The following PHAX variants were observed in gnomAD, a reference collection of about 807,000 sequenced individuals.
PHAX encodes phosphorylated adapter RNA export protein.
In PHAX, 31 loss-of-function variants were observed where a neutral mutation model predicts 41.6. The ratio of observed to expected loss-of-function variants is 0.75; its 90% confidence interval spans 0.56 to 1.01. The LOEUF (loss-of-function observed/expected upper bound fraction) is 1.01. Ranked by LOEUF, PHAX falls within the 50% of genes least tolerant of loss-of-function variation. The probability of loss-of-function intolerance (pLI) is 0.00; values close to 1 mark genes in which losing one functional copy is unlikely to be tolerated. For synonymous variants in PHAX, 175 were observed against 164.9 expected, an observed-to-expected ratio of 1.06 and a Z score of -0.47; for missense variants, 453 against 472.9, an observed-to-expected ratio of 0.96 and a Z score of 0.39.
intron 4 of PHAX, among the ~76,000 whole-genome samples, chr5:126,618,028 A>G (rs1158678348): frequency 6.6e-6 from 1 of 151,698 alleles, no homozygotes; most frequent in Non-Finnish European, 1.5e-5. Context: ...ATTTCTGTTC[A>G]CTGCAGCCTC....
At chr5:126,608,268 A>G (rs559502659) in intron 2 of PHAX, 96 bp from the exon 3 acceptor site, 1 of 1,392,400 alleles carries the variant, frequency 7.2e-7, no homozygotes, top group African/African-American at 1.4e-5. Context: ...ACCAAAAGTT[A>G]CTAGAATCAG....
intron 1 of PHAX, among the ~76,000 whole-genome samples, chr5:126,601,488 T>C (rs1434235074): frequency 6.6e-6 from 1 of 152,180 alleles, no homozygotes; most frequent in African/African-American, 2.4e-5. Context: ...GCCAAATATG[T>C]AGCATCTAGG....
chr5:126,611,144 C>T (rs1179261929), intron 3 of PHAX, among the ~76,000 whole-genome samples: 1 of 151,358 alleles, frequency 6.6e-6, no homozygotes, highest in Non-Finnish European at 1.5e-5. Context: ...CAACCTCTGC[C>T]TCCCGGGTTC....
intron 2 of PHAX, among the ~76,000 whole-genome samples, chr5:126,607,025 A>G (rs1459970935): frequency 6.6e-6 from 1 of 152,204 alleles, no homozygotes; most frequent in Non-Finnish European, 1.5e-5. Context: ...TTTACAATTC[A>G]TGTATTTTTA....
intron 4 of PHAX, among the ~76,000 whole-genome samples, chr5:126,618,809 C>A (rs1315563239): frequency 3.3e-5 from 5 of 152,108 alleles, no homozygotes; most frequent in African/African-American, 1.2e-4. Context: ...CAGGCTTGCG[C>A]CACCACGCCC....
chr5:126,613,147 G>A (rs373030352), intron 3 of PHAX, among the ~76,000 whole-genome samples: 14 of 152,260 alleles, frequency 9.2e-5, no homozygotes, highest in African/African-American at 2.9e-4. Context: ...TCAGGCGTTC[G>A]AGACCAGCCT....
At position 126,611,636 on chromosome 5, in the gene PHAX, C is replaced by T. The variant is rs374586126; in HGVS notation, c.831+3152C>T. 3.3e-5 allele frequency among the ~76,000 whole-genome samples: 5 copies of T among 151,828 alleles called. No homozygotes were observed. In the East Asian group the frequency reaches 7.8e-4, roughly 24 times the overall value. On this transcript the variant is annotated intron_variant, in intron 3 of 4. Coordinates refer to ENST00000297540, the MANE Select transcript of PHAX (RefSeq NM_032177.4). ...TCCTGTTCTACAAAAAATATGTATA[C>T]ATATATTAGCCAGGCTTGGTGGCAC...
At chr5:126,612,249 G>A (rs1284918956) in intron 3 of PHAX, among the ~76,000 whole-genome samples, 3 of 152,114 alleles carry the variant, frequency 2.0e-5, no homozygotes, top group Non-Finnish European at 4.4e-5. Context: ...TCAACAAGGG[G>A]CCAATGTGGC....
At chr5:126,623,602 T>C (rs535573743) in intron 4 of PHAX, among the ~76,000 whole-genome samples, 2 of 152,284 alleles carry the variant, frequency 1.3e-5, no homozygotes, top group African/African-American at 4.8e-5. Context: ...GCAAATACTT[T>C]TCTTATTTCT....
intron 2 of PHAX, among the ~76,000 whole-genome samples, chr5:126,606,469 A>G (rs994239545): frequency 2.0e-5 from 3 of 152,150 alleles, no homozygotes; most frequent in African/African-American, 7.2e-5. Flanking sequence ...GGCGTAAGCC[A>G]CTGTGCCCAG....
chr5:126,604,822 T>C (rs1383832181), intron 2 of PHAX, among the ~76,000 whole-genome samples: 4 of 151,732 alleles, frequency 2.6e-5, no homozygotes, highest in African/African-American at 9.7e-5. Flanking sequence ...GATCATGAGG[T>C]CAGGAGTTCA....
At chr5:126,616,859 C>T (rs934953460) in intron 3 of PHAX, among the ~76,000 whole-genome samples, 23 of 137,098 alleles carry the variant, frequency 1.7e-4, no homozygotes, top group Non-Finnish European at 2.7e-4. Context: ...CCAGCCTGAG[C>T]GAAAGAGTGA....
At chr5:126,614,872 T>G (rs1429039259) in intron 3 of PHAX, among the ~76,000 whole-genome samples, 1 of 152,006 alleles carries the variant, frequency 6.6e-6, no homozygotes, top group African/African-American at 2.4e-5. Context: ...TTCTCCTGCC[T>G]CAGCCTCCGA....
At chr5:126,616,028 C>T (rs963596576) in intron 3 of PHAX, among the ~76,000 whole-genome samples, 3 of 150,432 alleles carry the variant, frequency 2.0e-5, no homozygotes, top group African/African-American at 7.4e-5. Flanking sequence ...TGGTGGCTAC[C>T]CAGTAGCTCA....
chr5:126,620,236 A>G (rs2112837650), intron 4 of PHAX, among the ~76,000 whole-genome samples: 2 of 152,318 alleles, frequency 1.3e-5, no homozygotes, highest in East Asian at 3.9e-4. Context: ...ATTTGTAACA[A>G]TGTAAGTTTC....
In PHAX at chr5:126,603,976, C is replaced by G. The variant is rs1268714233; in HGVS notation, c.503C>G (p.Thr168Arg). The change falls in exon 2 of 5, where the codon ACA becomes AGA. Residue 168 changes from threonine to arginine, a missense_variant. Physicochemically the swap from Thr to Arg is moderately conservative, Grantham distance 71 (BLOSUM62 -1). Transcript: ENST00000297540. ...KKLRKESQEHTKDLDKELDEY... is the reference protein window; with the variant it reads ...KKLRKESQEHRKDLDKELDEY... ...CTTAGGAAGGAATCTCAAGAGCATA[C>G]AAAAGATCTAGACAAGGAACTAGAT... 6.2e-7 allele frequency: 1 copy of G among 1,613,646 alleles called. No individual in the cohort carries two copies. The highest frequency in any genetic ancestry group is 1.7e-5 in the Admixed American group (1 of 59,912).
In PHAX at chr5:126,624,863, G is replaced by T; in HGVS notation, c.*19G>T. On this transcript the variant is annotated 3_prime_UTR_variant, in exon 5 of 5. Transcript: ENST00000297540. Reference sequence around the variant, plus strand: ...CTTTTAAGTACATTTTCAACAGTTTGAGGACTAAGCCTTTCTAAAATAACA... The same window carrying T: ...CTTTTAAGTACATTTTCAACAGTTTTAGGACTAAGCCTTTCTAAAATAACA... 1 of 1,590,960 alleles carries T rather than the reference G, an allele frequency of 6.3e-7. No individual in the cohort carries two copies. Among genetic ancestry groups the T allele is most frequent in the African/African-American group, 1.4e-5 (1 of 74,048 alleles).
intron 2 of PHAX, 119 bp downstream of exon 2, chr5:126,604,302 G>T: frequency 1.6e-5 from 14 of 878,872 alleles, no homozygotes; most frequent in Non-Finnish European, 2.2e-5. Flanking sequence ...TTGGAGACAG[G>T]GTCTTGCTCT....
rs571468979 is a variant in PHAX, at chr5:126,617,380, C to CT, written c.915+48dup. 240 of 1,089,832 alleles carry CT rather than the reference C, an allele frequency of 2.2e-4. No homozygotes were observed. The African/African-American group carries it at 3.4e-3, about 15-fold the overall frequency. 67.5% of individuals were successfully genotyped at this position (1,089,832 alleles called of 1,614,324 possible). On this transcript the variant is annotated intron_variant, in intron 4 of 4. Transcript: ENST00000297540. Reference sequence around the variant, plus strand: ...CTTAAGCGCCATCATAATTTGACTTCTACTCACCCTCTACCTTCATTTTCT... The same window carrying CT: ...CTTAAGCGCCATCATAATTTGACTTCTTACTCACCCTCTACCTTCATTTTCT...
Sources: allele counts gnomAD v4.1 joint callset (sites outside exome capture counted in the v4.1 genomes callset), GRCh38; gene constraint gnomAD v4.1.1; transcripts MANE v1.5; gene names NCBI Gene and HGNC (gene_info 2026-07-23, HGNC 2026-07-21).